Variants in RHBDL2 observed in about 807,000 individuals in gnomAD.
RHBDL2 encodes the protein rhomboid like 2.
RHBDL2 carries 26 observed loss-of-function variants against 31.7 expected under a neutral mutation model. That is an observed-to-expected ratio of 0.82 (90% CI 0.60 to 1.14). The LOEUF is 1.14. Among genes scored for constraint, RHBDL2 ranks in the 50% most tolerant of loss-of-function variants. The probability of loss-of-function intolerance (pLI) is 0.00; values close to 1 mark genes in which losing one functional copy is unlikely to be tolerated. For missense variants in RHBDL2, 336 were observed against 364.4 expected (o/e 0.92, Z 0.63); for synonymous variants, 123 against 127.2 (o/e 0.97, Z 0.22).
chr1:38,936,501 G>GTTT (rs71278734), intron 1 of RHBDL2, among the ~76,000 whole-genome samples: 2 of 125,720 alleles, frequency 1.6e-5, no homozygotes, highest in African/African-American at 5.8e-5. Context: ...TGCTTTTTGG[G>GTTT]TTTTTTTTTT....
intron 4 of RHBDL2, among the ~76,000 whole-genome samples, chr1:38,903,784 T>C (rs1643025604): frequency 6.6e-6 from 1 of 152,008 alleles, no homozygotes; most frequent in African/African-American, 2.4e-5. Flanking sequence ...AAAGTTGGAG[T>C]GCTAGCCCTT....
In RHBDL2 at chr1:38,900,183, G is replaced by A. The variant is rs147149144; in HGVS notation, c.509-4114C>T. Among the ~76,000 whole-genome samples, 855 of 152,282 alleles carry A rather than the reference G, an allele frequency of 5.6e-3. 2 individuals are homozygous for A. Among genetic ancestry groups the A allele is most frequent in the Non-Finnish European group, 8.3e-3 (566 of 68,026 alleles). On this transcript the variant is annotated intron_variant, in intron 4 of 7. Coordinates refer to ENST00000372990, the MANE Select transcript of RHBDL2 (RefSeq NM_017821.5). ...GCCTGTAATCTCAGCACTTTGGAAG[G>A]CCAAGGCAGGTAGATCACTTGAGGT...
chr1:38,893,691 G>A (rs745344392), intron 5 of RHBDL2, among the ~76,000 whole-genome samples: 5 of 151,014 alleles, frequency 3.3e-5, no homozygotes, highest in African/African-American at 4.9e-5. Flanking sequence ...GAAAATATTC[G>A]TCAAAAATTA....
chr1:38,940,966 G>A (rs1179094329), intron 1 of RHBDL2, among the ~76,000 whole-genome samples: 1 of 152,136 alleles, frequency 6.6e-6, no homozygotes, highest in Admixed American at 6.6e-5. Context: ...AAAAAGCCAA[G>A]TGTCTTTGTG....
chr1:38,898,127 G>A (rs1642943258), intron 4 of RHBDL2, among the ~76,000 whole-genome samples: 2 of 152,072 alleles, frequency 1.3e-5, no homozygotes, highest in Non-Finnish European at 2.9e-5. Flanking sequence ...GTGAGACTCT[G>A]TCTCAAAAAA....
chr1:38,891,972 C>G (rs781178784), intron 6 of RHBDL2, among the ~76,000 whole-genome samples: 12 of 152,194 alleles, frequency 7.9e-5, no homozygotes, highest in African/African-American at 2.2e-4. Context: ...TTACCACCCC[C>G]ACCTTTGCTC....
intron 1 of RHBDL2, among the ~76,000 whole-genome samples, chr1:38,934,729 G>GATTT (rs1351734262): frequency 6.9e-6 from 1 of 145,562 alleles, no homozygotes; most frequent in African/African-American, 2.6e-5. Context: ...GGGCCGAGGC[G>GATTT]GGCAGATCAC....
chr1:38,941,350 G>A (rs1643557611), intron 1 of RHBDL2, among the ~76,000 whole-genome samples: 1 of 152,098 alleles, frequency 6.6e-6, no homozygotes. Flanking sequence ...GGGGGTGCTG[G>A]GGAGAACGTG....
At chr1:38,926,740 T>C in intron 1 of RHBDL2, 1 of 152,592 alleles carries the variant, frequency 6.6e-6, no homozygotes, top group South Asian at 2.1e-4. Flanking sequence ...CTGGGGATGC[T>C]GAGGCAGGAG....
chr1:38,886,586 C>T lies in RHBDL2; in HGVS notation c.830G>A (p.Arg277Lys). 6.2e-7 allele frequency: 1 copy of T among 1,607,938 alleles called. No individual in the cohort carries two copies. ...CFDKALLKDP[R>K]FWIAIAAYLA... is the part of the protein sequence containing the mutation. ...ATATGCAGCAATTGCTATCCAAAAC[C>T]TTGGATCTTTCAGCAGTGCTTTATC... The change falls in exon 8 of 8, where the codon AGG becomes AAG. Residue 277 changes from arginine to lysine, a missense_variant. Arg to Lys is a conservative substitution (Grantham distance 26). Coordinates refer to ENST00000372990, the MANE Select transcript of RHBDL2 (RefSeq NM_017821.5).
chr1:38,921,246 G>C (rs1386193719), intron 1 of RHBDL2, among the ~76,000 whole-genome samples: 1 of 152,194 alleles, frequency 6.6e-6, no homozygotes, highest in East Asian at 1.9e-4. Context: ...GCTGGGCATA[G>C]TGGCACGTGC....
intron 1 of RHBDL2, among the ~76,000 whole-genome samples, chr1:38,920,114 T>C (rs1643291179): frequency 6.6e-6 from 1 of 151,932 alleles, no homozygotes; most frequent in African/African-American, 2.4e-5. Context: ...ATACAATACA[T>C]ATGTACCATC....
intron 4 of RHBDL2, among the ~76,000 whole-genome samples, chr1:38,904,285 G>C (rs1005011414): frequency 2.6e-5 from 4 of 151,552 alleles, no homozygotes; most frequent in African/African-American, 9.7e-5. Flanking sequence ...TCTGGCCAAC[G>C]TAGTGAAACC....
intron 5 of RHBDL2, among the ~76,000 whole-genome samples, chr1:38,895,320 A>G (rs971325750): frequency 2.6e-5 from 4 of 152,174 alleles, no homozygotes; most frequent in Non-Finnish European, 5.9e-5. Context: ...CTTTCTTAAT[A>G]AACTTGGTTT....
chr1:38,893,011 T>C (rs1331251239), intron 6 of RHBDL2, among the ~76,000 whole-genome samples, 153 bp downstream of exon 6: 2 of 152,212 alleles, frequency 1.3e-5, no homozygotes, highest in Non-Finnish European at 2.9e-5. Flanking sequence ...CCCCCAGCCT[T>C]TTCTTTTGTA....
intron 1 of RHBDL2, among the ~76,000 whole-genome samples, chr1:38,941,185 T>C (rs887882882): frequency 2.0e-5 from 3 of 152,220 alleles, no homozygotes; most frequent in Non-Finnish European, 4.4e-5. Flanking sequence ...GAAATCTCTC[T>C]GATACCCACA....
chr1:38,928,040 G>A (rs1263484103), intron 1 of RHBDL2, among the ~76,000 whole-genome samples: 1 of 151,494 alleles, frequency 6.6e-6, no homozygotes, highest in East Asian at 1.9e-4. Context: ...TGGGATTAGA[G>A]TTAAAAATGA....
At chr1:38,926,286 A>C in intron 1 of RHBDL2, 1 of 886,800 alleles carries the variant, frequency 1.1e-6, no homozygotes, top group Non-Finnish European at 1.4e-6. Flanking sequence ...GGCATCCAGC[A>C]TCCAACGCCA....
chr1:38,897,353 G>A (rs955894685), intron 4 of RHBDL2, among the ~76,000 whole-genome samples: 1 of 152,058 alleles, frequency 6.6e-6, no homozygotes, highest in African/African-American at 2.4e-5. Flanking sequence ...GCCCACCTCG[G>A]CCTCCCAAAG....
Sources: allele counts gnomAD v4.1 joint callset (sites outside exome capture counted in the v4.1 genomes callset), GRCh38; gene constraint gnomAD v4.1.1; transcripts MANE v1.5; gene names NCBI Gene and HGNC (gene_info 2026-07-23, HGNC 2026-07-21).